The following PAQR8 variants were observed in gnomAD, a reference collection of about 807,000 sequenced individuals.
The protein encoded by PAQR8 is progestin and adipoQ receptor family member 8, also known as membrane progestin receptor beta.
Under a neutral mutation model 25.2 loss-of-function variants are expected in PAQR8, and 17 were observed. The ratio of observed to expected loss-of-function variants is 0.67; its 90% CI spans 0.46 to 1.01. The LOEUF is 1.01. Ranked by LOEUF, PAQR8 falls within the 50% of genes least tolerant of loss-of-function variation. PAQR8 has a pLI of 0.00. For missense variants in PAQR8, 392 were observed against 448.4 expected, an observed-to-expected ratio of 0.87 and a Z score of 1.14; for synonymous variants, 204 against 190.6, an observed-to-expected ratio of 1.07 and a Z score of -0.58.
At position 52,406,537 on chromosome 6, in the gene PAQR8, G is replaced by T; in HGVS notation, c.*2259G>T. The T allele has an allele frequency of 4.8e-6, 2 of 413,378 alleles. No homozygotes were observed. Among genetic ancestry groups the T allele is most frequent in the Non-Finnish European group, 8.8e-6 (2 of 226,120 alleles). The allele number at this position is 413,378 out of a possible 1,614,324, so 25.6% of individuals were successfully genotyped here. A position where few individuals can be genotyped will look rare whatever the true frequency, so the allele number is the denominator to read the frequency against. On this transcript the variant is annotated 3_prime_UTR_variant, in exon 2 of 2. Coordinates refer to ENST00000442253, the MANE Select transcript of PAQR8 (RefSeq NM_133367.5). ...TACAATTTTAATTTATACAAGTATTGGCCCCTCAAGTGGTTGGAAATTTTT... is the reference window on the plus strand; with the variant it reads ...TACAATTTTAATTTATACAAGTATTTGCCCCTCAAGTGGTTGGAAATTTTT...
intron 1 of PAQR8, among the ~76,000 whole-genome samples, chr6:52,369,736 T>C (rs1333556142): frequency 6.6e-6 from 1 of 152,056 alleles, no homozygotes; most frequent in Non-Finnish European, 1.5e-5. Flanking sequence ...AGTGATGGAG[T>C]TTAATGGCTC....
intron 1 of PAQR8, among the ~76,000 whole-genome samples, chr6:52,388,959 C>A (rs1252819432): frequency 1.3e-5 from 2 of 152,194 alleles, no homozygotes; most frequent in Non-Finnish European, 2.9e-5. Flanking sequence ...GTCTGTTCTG[C>A]CTTTTGTATG....
rs147367768 is a variant in PAQR8, at chr6:52,368,625, G to A, written c.-53+6376G>A. On this transcript the variant is annotated intron_variant, in intron 1 of 1. Coordinates refer to ENST00000442253, the MANE Select transcript of PAQR8 (RefSeq NM_133367.5). ...AACATTGTTTTAGAACCTTAGAGGT[G>A]TTTAATTAATACTGATAAATTTACC... Among the ~76,000 whole-genome samples the A allele has an allele frequency of 3.5e-3, 528 of 152,308 alleles. 9 individuals carry two copies. The highest frequency in any genetic ancestry group is 0.011 in the Admixed American group (161 of 15,304).
intron 1 of PAQR8, among the ~76,000 whole-genome samples, chr6:52,379,305 T>C (rs978421622): frequency 1.9e-4 from 29 of 151,972 alleles, no homozygotes; most frequent in African/African-American, 6.5e-4. Context: ...GAGGGAGCCA[T>C]GGGGAGTTGT....
chr6:52,383,644 G>A (rs912087260), intron 1 of PAQR8, among the ~76,000 whole-genome samples: 51 of 124,462 alleles, frequency 4.1e-4, no homozygotes, highest in African/African-American at 1.4e-3. Context: ...CTGGGCGACA[G>A]AGCGAGAGTC....
At position 52,404,004 on chromosome 6, in the gene PAQR8, G is replaced by A. The variant is rs372503178; in HGVS notation, c.791G>A (p.Cys264Tyr). 238 of 1,614,042 alleles carry A rather than the reference G, an allele frequency of 1.5e-4. No homozygotes were observed. The highest frequency in any genetic ancestry group is 1.9e-4 in the Non-Finnish European group (226 of 1,180,056). ...CTGGTTAGCGCTTATTTCTTCTCCT[G>A]CCCCGTGCCTGAGAAGTACTTCCCG... Reference protein sequence around the residue: ...FFLVSAYFFSCPVPEKYFPGS... With the variant: ...FFLVSAYFFSYPVPEKYFPGS... Residue 264 changes from cysteine to tyrosine, a missense_variant, in exon 2 of 2, where the codon TGC becomes TAC. By Grantham distance (194) the Cys-to-Tyr change is radical. Coordinates refer to ENST00000442253, the MANE Select transcript of PAQR8 (RefSeq NM_133367.5).
At chr6:52,389,999 C>T (rs185788121) in intron 1 of PAQR8, among the ~76,000 whole-genome samples, 9 of 152,328 alleles carry the variant, frequency 5.9e-5, no homozygotes, top group African/African-American at 2.2e-4. Flanking sequence ...CAGGGAGACA[C>T]CTGTCCCTAG....
At position 52,362,869 on chromosome 6, in the gene PAQR8, A is replaced by T. The variant is rs1051483950; in HGVS notation, c.-53+620A>T. 8.6e-5 allele frequency among the ~76,000 whole-genome samples: 13 copies of T among 151,532 alleles called. No individual in the cohort carries two copies. The highest frequency in any genetic ancestry group is 2.9e-4 in the African/African-American group (12 of 41,206). On this transcript the variant is annotated intron_variant, in intron 1 of 1. Coordinates refer to ENST00000442253, the MANE Select transcript of PAQR8 (RefSeq NM_133367.5). The surrounding 1 kb of genome is among the most constrained non-coding windows in gnomAD (Gnocchi z 4.1). ...ATGTGCTTTCGCCGGGGAAAGATGG[A>T]GGGGGCTTCTCTGAGAGGGTGGGCG... is the stretch of plus-strand genomic sequence containing the variant.
In PAQR8 at chr6:52,403,190, A is replaced by G; in HGVS notation, c.-24A>G. On this transcript the variant is annotated 5_prime_UTR_variant, in exon 2 of 2. Coordinates refer to ENST00000442253, the MANE Select transcript of PAQR8 (RefSeq NM_133367.5). Reference sequence around the variant, plus strand: ...GCATACCCTGTCCTGAGGGCGCGGCACGGAGTGCATGCGGGCCGCTGCCAT... The same window carrying G: ...GCATACCCTGTCCTGAGGGCGCGGCGCGGAGTGCATGCGGGCCGCTGCCAT... The G allele has an allele frequency of 1.3e-6, 2 of 1,578,980 alleles. No homozygotes were observed. Among genetic ancestry groups the G allele is most frequent in the Non-Finnish European group, 1.7e-6 (2 of 1,158,048 alleles).
rs1763900172 is a variant in PAQR8 at position 52,405,731 on chromosome 6, AT to A, written c.*1455del. 4.2e-5 allele frequency: 7 copies of A among 165,628 alleles called. No homozygotes were observed. In the South Asian group the frequency reaches 1.5e-3, roughly 36 times the overall value. 10.3% of individuals were successfully genotyped at this position (165,628 alleles called of 1,614,324 possible). A position where few individuals can be genotyped will look rare whatever the true frequency, so the allele number is the denominator to read the frequency against. On this transcript the variant is annotated 3_prime_UTR_variant, in exon 2 of 2. Transcript: ENST00000442253. ...GATGAACCTCCTCCGAGTTTACTTT[AT>A]TGTCTTCAAATCTTTTGTTTTCTTC...
chr6:52,388,351 G>A (rs1294839745), intron 1 of PAQR8, among the ~76,000 whole-genome samples: 1 of 151,778 alleles, frequency 6.6e-6, no homozygotes, highest in Non-Finnish European at 1.5e-5. Context: ...ACTCCAGCCT[G>A]GGCAACAGAG....
In PAQR8 at chr6:52,403,389, G is replaced by A; in HGVS notation, c.176G>A (p.Gly59Glu). ...ATCCGCACCGGCTACCGCCCCACGG[G>A]GCACGAGTGGCGCTACTACTTCTTC... ...PYIRTGYRPT[G>E]HEWRYYFFSL... Residue 59 changes from glycine (G) to glutamate (E), a missense_variant, in exon 2 of 2, where the codon GGG becomes GAG. By Grantham distance (98) the Gly-to-Glu change is moderately conservative (BLOSUM62 -2). Transcript: ENST00000442253. 1 of 1,614,230 alleles carries A rather than the reference G, an allele frequency of 6.2e-7. No individual in the cohort carries two copies. The highest frequency in any genetic ancestry group is 8.5e-7 in the Non-Finnish European group (1 of 1,180,042).
In PAQR8 at chr6:52,403,220, A is replaced by G. The variant is rs1763857792; in HGVS notation, c.7A>G (p.Thr3Ala). ...GTGCATGCGGGCCGCTGCCATGACG[A>G]CCGCCATCTTGGAGCGCCTGAGCAC... MT[T>A]AILERLSTLS... is the part of the protein sequence containing the mutation. The change falls in exon 2 of 2, where the codon ACC becomes GCC. Residue 3 changes from threonine to alanine, a missense_variant. Coordinates refer to ENST00000442253, the MANE Select transcript of PAQR8 (RefSeq NM_133367.5). The G allele has an allele frequency of 1.3e-6, 2 of 1,593,066 alleles. No individual in the cohort carries two copies. Among genetic ancestry groups the G allele is most frequent in the East Asian group, 2.3e-5 (1 of 44,230 alleles).
intron 1 of PAQR8, among the ~76,000 whole-genome samples, chr6:52,374,298 T>C (rs1384214114): frequency 1.3e-5 from 2 of 152,210 alleles, no homozygotes; most frequent in Non-Finnish European, 2.9e-5. Context: ...ATTTTTCCTA[T>C]CAAAACATCA....
chr6:52,386,180 A>G (rs1248308349), intron 1 of PAQR8, among the ~76,000 whole-genome samples: 1 of 72,754 alleles, frequency 1.4e-5, no homozygotes, highest in African/African-American at 6.1e-5. Flanking sequence ...GCTATTATTT[A>G]AATTAAAAAA....
rs1763880032 is a variant in PAQR8, at chr6:52,404,169, C to T, written c.956C>T (p.Ser319Phe). Residue 319 changes from serine to phenylalanine, a missense_variant, in exon 2 of 2, where the codon TCT becomes TTT. Physicochemically the swap from Ser to Phe is radical, Grantham distance 155. Coordinates refer to ENST00000442253, the MANE Select transcript of PAQR8 (RefSeq NM_133367.5). Reference protein sequence around the residue: ...EIFLQRHGPLSVHMACLSFFF... With the variant: ...EIFLQRHGPLFVHMACLSFFF... ...TTCCTGCAGCGCCATGGACCCCTAT[C>T]TGTCCACATGGCCTGCCTCTCCTTC... 6.2e-7 allele frequency: 1 copy of T among 1,614,044 alleles called. No individual in the cohort carries two copies. Among genetic ancestry groups the T allele is most frequent in the African/African-American group, 1.3e-5 (1 of 74,934 alleles).
Position 52,372,575 on chromosome 6 carries a change from T to C in PAQR8, c.-53+10326T>C, listed in dbSNP as rs557916294. On this transcript the variant is annotated intron_variant, in intron 1 of 1. Coordinates refer to ENST00000442253, the MANE Select transcript of PAQR8 (RefSeq NM_133367.5). ...TTACATTTAATGAGCACATGTGTGCTAAGAGTTTTACATGTATTTCTCTCT... is the reference window on the plus strand; with the variant it reads ...TTACATTTAATGAGCACATGTGTGCCAAGAGTTTTACATGTATTTCTCTCT... 3.3e-5 allele frequency among the ~76,000 whole-genome samples: 5 copies of C among 152,266 alleles called. No individual in the cohort carries two copies. The South Asian group carries it at 1.0e-3, about 32-fold the overall frequency.
chr6:52,406,862 C>A lies in PAQR8; in HGVS notation c.*2584C>A. The A allele has an allele frequency of 3.5e-6, 1 of 283,356 alleles. No individual in the cohort carries two copies. Among genetic ancestry groups the A allele is most frequent in the Admixed American group, 5.3e-5 (1 of 18,736 alleles). The allele number at this position is 283,356 out of a possible 1,614,324, so 17.6% of individuals were successfully genotyped here. ...ACAGACATTAGCCATCACGCCTGCCCTAGAAACAGTTTTTTAATAGGAGAT... is the reference window on the plus strand; with the variant it reads ...ACAGACATTAGCCATCACGCCTGCCATAGAAACAGTTTTTTAATAGGAGAT... On this transcript the variant is annotated 3_prime_UTR_variant, in exon 2 of 2. Coordinates refer to ENST00000442253, the MANE Select transcript of PAQR8 (RefSeq NM_133367.5).
intron 1 of PAQR8, among the ~76,000 whole-genome samples, chr6:52,402,922 C>T (rs534917548): frequency 6.6e-6 from 1 of 152,124 alleles, no homozygotes; most frequent in South Asian, 2.1e-4. Context: ...ACAACAACAG[C>T]AGCAACAAAA....
Sources: gnomAD v4.1 joint callset for allele counts (sites outside exome capture counted in the v4.1 genomes callset) on GRCh38, gnomAD v4.1.1 for gene constraint, Gnocchi (gnomAD v3.1) non-coding constraint, MANE v1.5 for transcripts, NCBI Gene and HGNC (gene_info 2026-07-23, HGNC 2026-07-21) for gene names.